Variants in HHLA2 observed in about 807,000 individuals in gnomAD.
The protein encoded by HHLA2 is HERV-H LTR-associating protein 2.
HHLA2 carries 48 observed loss-of-function variants against 45.9 expected under a neutral mutation model. The ratio of observed to expected loss-of-function variants is 1.05; its 90% CI spans 0.83 to 1.33. The LOEUF is 1.33. HHLA2 is among the 40% of genes most tolerant of loss of function. The pLI is 0.00. For missense variants in HHLA2, 462 were observed against 494.3 expected (o/e 0.93, Z 0.62); for synonymous variants, 161 against 173.9 (o/e 0.93, Z 0.59).
At chr3:108,317,866 C>T (rs112595021) in intron 2 of HHLA2, among the ~76,000 whole-genome samples, 5 of 152,160 alleles carry the variant, frequency 3.3e-5, no homozygotes, top group African/African-American at 1.2e-4. Context: ...AGCCATCGCA[C>T]CCAGCCTGGG....
At chr3:108,364,901 T>C (rs1269909223) in intron 8 of HHLA2, among the ~76,000 whole-genome samples, 2 of 152,224 alleles carry the variant, frequency 1.3e-5, no homozygotes, top group Non-Finnish European at 2.9e-5. Context: ...TATTAGACTT[T>C]TGTCAGATGG....
At chr3:108,377,569 C>T (rs1027789650) in exon 11 of HHLA2, 2 of 343,106 alleles carry the variant, frequency 5.8e-6, no homozygotes, top group Admixed American at 8.8e-5. Flanking sequence ...TTACAGTCAG[C>T]CCAGGAGGTT....
At chr3:108,356,942 G>T (rs1451885768) in intron 6 of HHLA2, among the ~76,000 whole-genome samples, 1 of 152,160 alleles carries the variant, frequency 6.6e-6, no homozygotes, top group Non-Finnish European at 1.5e-5. Flanking sequence ...AGGAGAAGAA[G>T]AATATTCCAG....
intron 3 of HHLA2, among the ~76,000 whole-genome samples, chr3:108,329,217 A>C (rs988417821): frequency 6.6e-6 from 1 of 152,200 alleles, no homozygotes; most frequent in Non-Finnish European, 1.5e-5. Context: ...AAGTACAAGT[A>C]AACAGAACTT....
At chr3:108,325,544 G>T in intron 2 of HHLA2, 1 of 274,950 alleles carries the variant, frequency 3.6e-6, no homozygotes, top group South Asian at 4.3e-5. Context: ...AACCATCATA[G>T]CCATCTTGGT....
At chr3:108,340,280 GCCAA>G (rs2081541406) in intron 3 of HHLA2, among the ~76,000 whole-genome samples, 1 of 152,206 alleles carries the variant, frequency 6.6e-6, no homozygotes, top group Admixed American at 6.5e-5. Flanking sequence ...GAGATTGGAA[GCCAA>G]TGCAAGGAGA....
intron 2 of HHLA2, chr3:108,326,167 A>G: frequency 4.2e-6 from 1 of 240,774 alleles, no homozygotes; most frequent in Non-Finnish European, 8.3e-6. Flanking sequence ...CTGGTCTCTG[A>G]AGTTCTTCAT....
At chr3:108,322,618 TG>T (rs2081222768) in intron 2 of HHLA2, among the ~76,000 whole-genome samples, 1 of 152,218 alleles carries the variant, frequency 6.6e-6, no homozygotes, top group South Asian at 2.1e-4. Flanking sequence ...CGCCTATCTA[TG>T]ATAAAAACCA....
At chr3:108,367,217 A>G (rs2082079508) in intron 8 of HHLA2, among the ~76,000 whole-genome samples, 1 of 152,220 alleles carries the variant, frequency 6.6e-6, no homozygotes, top group South Asian at 2.1e-4. Flanking sequence ...AGCCTCAAAG[A>G]TCAAAGGTAG....
intron 2 of HHLA2, among the ~76,000 whole-genome samples, chr3:108,327,304 CT>C (rs1158079851): frequency 9.2e-5 from 14 of 152,072 alleles, no homozygotes; most frequent in Non-Finnish European, 1.8e-4. Context: ...GGTGAGGTAC[CT>C]GGTTGTTTAT....
chr3:108,376,354 T>C (rs1418807152), intron 9 of HHLA2, 139 bp from the exon 9 acceptor site: 7 of 627,998 alleles, frequency 1.1e-5, no homozygotes, highest in Non-Finnish European at 1.9e-5. Context: ...TGAATGCATT[T>C]TTCATGTTGT....
At chr3:108,357,972 G>C in exon 7 of HHLA2, 6 of 1,613,732 alleles carry the variant, frequency 3.7e-6, no homozygotes, top group Non-Finnish European at 5.1e-6. Context: ...CTCTGTCCTG[G>C]CTTACTATCT....
chr3:108,370,800 A>G (rs1026289489), intron 8 of HHLA2, among the ~76,000 whole-genome samples: 1 of 152,210 alleles, frequency 6.6e-6, no homozygotes, highest in Non-Finnish European at 1.5e-5. Flanking sequence ...AGAAATGAAC[A>G]AAGCCTCCAA....
chr3:108,351,975 T>C, intron 4 of HHLA2, 98 bp downstream of exon 3: 2 of 737,882 alleles, frequency 2.7e-6, no homozygotes, highest in Non-Finnish European at 4.7e-6. Context: ...AGCCACAGCA[T>C]CGTGAACTTT....
exon 8 of HHLA2, chr3:108,362,394 C>T: frequency 6.2e-7 from 1 of 1,612,904 alleles, no homozygotes; most frequent in South Asian, 1.1e-5. Context: ...TTTTGGTGCC[C>T]TCTGCGATTT....
In HHLA2 at chr3:108,341,608, C is replaced by CA. The variant is rs10708947; in HGVS notation, c.-26-10171dup. On this transcript the variant is annotated intron_variant, in intron 3 of 10. Transcript: ENST00000619531. Reference sequence around the variant, plus strand: ...TTTTTCATTGATTTATTTAAACAAACAAAAAAAAACAGAGCCCAGTTCTTG... The same window carrying CA: ...TTTTTCATTGATTTATTTAAACAAACAAAAAAAAAACAGAGCCCAGTTCTTG... Among the ~76,000 whole-genome samples the CA allele has an allele frequency of 5.9e-5, 9 of 151,524 alleles. No individual in the cohort carries two copies. The East Asian group carries it at 1.2e-3, about 20-fold the overall frequency.
chr3:108,352,495 G>A (rs1368693011), intron 4 of HHLA2, among the ~76,000 whole-genome samples: 1 of 152,210 alleles, frequency 6.6e-6, no homozygotes, highest in Non-Finnish European at 1.5e-5. Flanking sequence ...CCTGGGCCAT[G>A]AGCCAAAGGA....
chr3:108,345,459 T>C (rs1449662966), intron 3 of HHLA2, among the ~76,000 whole-genome samples: 1 of 152,272 alleles, frequency 6.6e-6, no homozygotes, highest in Non-Finnish European at 1.5e-5. Context: ...ATGTGTGGTA[T>C]TGTTAAAATA....
At chr3:108,369,023 C>T (rs2082117179) in intron 8 of HHLA2, among the ~76,000 whole-genome samples, 1 of 152,174 alleles carries the variant, frequency 6.6e-6, no homozygotes, top group South Asian at 2.1e-4. Flanking sequence ...TCAAAACAGT[C>T]TCTCAGGCTA....
Sources: gnomAD v4.1 joint callset for allele counts (sites outside exome capture counted in the v4.1 genomes callset) on GRCh38, gnomAD v4.1.1 for gene constraint, MANE v1.5 for transcripts, NCBI Gene and HGNC (gene_info 2026-07-23, HGNC 2026-07-21) for gene names.